LAMP3: variants seen among roughly 807,000 people sequenced by gnomAD.
LAMP3 encodes lysosome associated membrane protein 3.
A neutral mutation model predicts 34.8 loss-of-function variants in LAMP3; 26 were observed. The ratio of observed to expected loss-of-function variants is 0.75; its 90% CI spans 0.55 to 1.04. The LOEUF is 1.04. Ranked by LOEUF, LAMP3 falls within the 50% of genes least tolerant of loss-of-function variation. The pLI, the probability that LAMP3 is intolerant of heterozygous loss-of-function variation, is 0.00. For synonymous variants in LAMP3, 180 were observed against 201.9 expected, an observed-to-expected ratio of 0.89 and a Z score of 0.92; for missense variants, 495 against 524.0, an observed-to-expected ratio of 0.94 and a Z score of 0.54.
intron 5 of LAMP3, among the ~76,000 whole-genome samples, chr3:183,126,736 G>A (rs1212378190): frequency 6.6e-6 from 1 of 151,960 alleles, no homozygotes; most frequent in East Asian, 1.9e-4. Context: ...CTAATATGGA[G>A]AAACATTATT....
chr3:183,153,185 AAAAAAAAG>A (rs1173415681), intron 2 of LAMP3, among the ~76,000 whole-genome samples: 7 of 151,818 alleles, frequency 4.6e-5, no homozygotes, highest in Middle Eastern at 3.4e-3. Context: ...AAAAAAAAAA[AAAAAAAAG>A]AAAGAAAATA....
chr3:183,158,961 T>G (rs941867943), intron 1 of LAMP3, among the ~76,000 whole-genome samples: 1 of 151,912 alleles, frequency 6.6e-6, no homozygotes, highest in Non-Finnish European at 1.5e-5. Flanking sequence ...TGCAGTGGCA[T>G]GCTCAGGGCT....
chr3:183,132,654 G>A (rs1355273412), intron 5 of LAMP3: 9 of 985,310 alleles, frequency 9.1e-6, no homozygotes, highest in Non-Finnish European at 9.6e-6. Flanking sequence ...GGGAGGTGCT[G>A]TTTCCCAGCA....
intron 1 of LAMP3, among the ~76,000 whole-genome samples, chr3:183,157,246 C>T (rs771408020): frequency 2.9e-4 from 44 of 151,942 alleles, no homozygotes; most frequent in South Asian, 2.5e-3. Context: ...TTTTTTAAAT[C>T]GAAAATATCC....
At chr3:183,132,666 T>A in intron 5 of LAMP3, 6 of 985,440 alleles carry the variant, frequency 6.1e-6, no homozygotes, top group Non-Finnish European at 7.2e-6. Flanking sequence ...TTCCCAGCAC[T>A]GCGGTAGCCC....
At chr3:183,144,881 G>A (rs1474696080) in intron 3 of LAMP3, among the ~76,000 whole-genome samples, 8 of 152,130 alleles carry the variant, frequency 5.3e-5, no homozygotes, top group Admixed American at 1.3e-4. Context: ...CTTCAGCCTG[G>A]GTGACAGAGG....
Position 183,154,281 on chromosome 3 carries a change from G to A in LAMP3, c.160C>T (p.Gln54Ter). Residue 54 changes from glutamine (Q) to a stop codon, truncating the protein, a stop_gained, in exon 2 of 6, where the codon CAA (glutamine) becomes TAA (stop). Coordinates refer to ENST00000265598, the MANE Select transcript of LAMP3 (RefSeq NM_014398.4). LOFTEE classifies it high-confidence loss of function. ...TVQDIKKPVQ[Q>*]PAKQAPHQTL... is the part of the protein sequence containing the mutation. ...TGGTGAGGTGCTTGCTTAGCTGGTT[G>A]CTGGACAGGTTTTTTTATGTCCTGT... 1 of 1,614,132 alleles carries A rather than the reference G, an allele frequency of 6.2e-7. No individual in the cohort carries two copies. The highest frequency in any genetic ancestry group is 8.5e-7 in the Non-Finnish European group (1 of 1,180,006).
rs111747229 is a variant in LAMP3, at chr3:183,126,534, ATGTGTGTGTG to A, written c.1118-2330_1118-2321del. Among the ~76,000 whole-genome samples, 72 of 149,750 alleles carry A rather than the reference ATGTGTGTGTG, an allele frequency of 4.8e-4. 1 individual carries two copies. The Middle Eastern group carries it at 0.01, about 22-fold the overall frequency. Reference sequence around the variant, plus strand: ...TTTTGGGCATGTAGTTCCTCTGTGAATGTGTGTGTGTGTGTGTGTGTGTGTGTGTGCACAC... The same window carrying A: ...TTTTGGGCATGTAGTTCCTCTGTGAATGTGTGTGTGTGTGTGTGTGCACAC... On this transcript the variant is annotated intron_variant, in intron 5 of 5. Coordinates refer to ENST00000265598, the MANE Select transcript of LAMP3 (RefSeq NM_014398.4).
chr3:183,141,456 T>C (rs1229520628), intron 3 of LAMP3, among the ~76,000 whole-genome samples: 1 of 152,190 alleles, frequency 6.6e-6, no homozygotes, highest in Non-Finnish European at 1.5e-5. Context: ...TTAATTGAGG[T>C]GATCCACAGT....
chr3:183,135,841 T>G lies in LAMP3; in HGVS notation c.993A>C (p.Thr331=). ...GIKHAVVMFQ[T]AVGHSFKCVS... Reference sequence around the variant, plus strand: ...CGCACTTGAAGGAATGCCCGACTGCTGTCTGGAACATCACCACCGCATGTT... The same window carrying G: ...CGCACTTGAAGGAATGCCCGACTGCGGTCTGGAACATCACCACCGCATGTT... Residue 331 remains threonine (T), a synonymous_variant, in exon 5 of 6, where the codon ACA becomes ACC. Coordinates refer to ENST00000265598, the MANE Select transcript of LAMP3 (RefSeq NM_014398.4). The G allele has an allele frequency of 6.2e-7, 1 of 1,614,158 alleles. No individual in the cohort carries two copies. Among genetic ancestry groups the G allele is most frequent in the Non-Finnish European group, 8.5e-7 (1 of 1,179,970 alleles).
chr3:183,143,372 C>G (rs1039006735), intron 3 of LAMP3, among the ~76,000 whole-genome samples: 2 of 152,198 alleles, frequency 1.3e-5, no homozygotes, highest in African/African-American at 4.8e-5. Context: ...CTTGACCTCT[C>G]AAGGTGTTGG....
chr3:183,136,431 C>T (rs1720091063), intron 4 of LAMP3, among the ~76,000 whole-genome samples: 2 of 152,208 alleles, frequency 1.3e-5, no homozygotes, highest in Admixed American at 1.3e-4. Flanking sequence ...GCGGTCAGAT[C>T]ACCTGAGGTC....
At chr3:183,162,467 G>A in intron 1 of LAMP3, 140 bp downstream of exon 1, 1 of 817,622 alleles carries the variant, frequency 1.2e-6, no homozygotes, top group Non-Finnish European at 2.0e-6. Flanking sequence ...CGGAAAACAA[G>A]TTCCAGCTGG....
intron 1 of LAMP3, among the ~76,000 whole-genome samples, chr3:183,160,270 G>T (rs1442736911): frequency 6.6e-6 from 1 of 152,176 alleles, no homozygotes; most frequent in Admixed American, 6.5e-5. Context: ...CAAAAGCTCC[G>T]TCTCTCCTAG....
chr3:183,148,128 T>C (rs548834444), intron 3 of LAMP3, among the ~76,000 whole-genome samples: 13 of 152,138 alleles, frequency 8.5e-5, no homozygotes, highest in South Asian at 2.1e-4. Context: ...TGCAGAACAA[T>C]GAAACTAGAC....
upstream of LAMP3, chr3:183,162,764 G>T: frequency 9.3e-7 from 1 of 1,072,580 alleles, no homozygotes; most frequent in Non-Finnish European, 1.3e-6. Flanking sequence ...CTGCTTATGA[G>T]AAGCAGCCGA....
chr3:183,160,990 G>A (rs1317357189), intron 1 of LAMP3: 1 of 152,338 alleles, frequency 6.6e-6, no homozygotes, highest in East Asian at 1.9e-4. Flanking sequence ...TCAAGGTCAG[G>A]TTGTGAGGTG....
intron 5 of LAMP3, among the ~76,000 whole-genome samples, 156 bp downstream of exon 5, chr3:183,135,561 C>T (rs897209937): frequency 1.3e-5 from 2 of 152,162 alleles, no homozygotes; most frequent in African/African-American, 4.8e-5. Flanking sequence ...TCTGAGGTGG[C>T]CAGAGGAGCC....
chr3:183,140,853 T>A (rs1720262285), intron 3 of LAMP3, among the ~76,000 whole-genome samples: 1 of 152,182 alleles, frequency 6.6e-6, no homozygotes, highest in Admixed American at 6.5e-5. Flanking sequence ...GTATTCAAAT[T>A]CCACCAGTAC....
Sources: gnomAD v4.1 joint callset for allele counts (sites outside exome capture counted in the v4.1 genomes callset) on GRCh38, gnomAD v4.1.1 for gene constraint, MANE v1.5 for transcripts, NCBI Gene and HGNC (gene_info 2026-07-23, HGNC 2026-07-21) for gene names.